Variants in MGAT5B observed in about 807,000 individuals in gnomAD.
MGAT5B encodes alpha-1,6-mannosylglycoprotein 6-beta-N-acetylglucosaminyltransferase B, also known as N-acetylglucosaminyl-transferase Vb.
Under a neutral mutation model 95.1 loss-of-function variants are expected in MGAT5B, and 54 were observed. The observed-to-expected ratio is 0.57, with a 90% CI of 0.46 to 0.71. The LOEUF (loss-of-function observed/expected upper bound fraction) is 0.71. Among genes scored for constraint, MGAT5B ranks in the 30% least tolerant of loss-of-function variants. MGAT5B has a pLI of 0.00. For synonymous variants in MGAT5B, 464 were observed against 451.0 expected, an observed-to-expected ratio of 1.03 and a Z score of -0.36; for missense variants, 935 against 1,088.6, an observed-to-expected ratio of 0.86 and a Z score of 1.99.
At chr17:76,907,094 C>T (rs1171030205) in intron 8 of MGAT5B, among the ~76,000 whole-genome samples, 2 of 151,832 alleles carry the variant, frequency 1.3e-5, no homozygotes, top group Non-Finnish European at 2.9e-5. Context: ...TCTTGTTCCC[C>T]AGGCTGGAGT....
intron 6 of MGAT5B, 132 bp downstream of exon 6, chr17:76,904,554 C>T: frequency 9.3e-7 from 1 of 1,071,754 alleles, no homozygotes; most frequent in South Asian, 1.7e-5. Flanking sequence ...GGTCCGAGCC[C>T]ACCCTACCGG....
rs571506606 is a variant in MGAT5B at position 76,914,917 on chromosome 17, C to T, written c.1025+8730C>T. ...CCTCCCAAAGTGCTGGGATTACAGG[C>T]GTGAGCCACTGCCCCCGGCCACGTT... On this transcript the variant is annotated intron_variant, in intron 8 of 17. Transcript: ENST00000569840. The surrounding 1 kb of genome is among the most constrained non-coding windows in gnomAD (Gnocchi z 5.1). Among the ~76,000 whole-genome samples, 42 of 152,294 alleles carry T rather than the reference C, an allele frequency of 2.8e-4. No homozygotes were observed. Among genetic ancestry groups the T allele is most frequent in the East Asian group, 2.7e-3 (14 of 5,184 alleles).
Position 76,887,515 on chromosome 17 carries a change from C to CT in MGAT5B, c.329+5218dup, listed in dbSNP as rs1320338399. 5.6e-5 allele frequency among the ~76,000 whole-genome samples: 4 copies of CT among 71,458 alleles called. No homozygotes were observed. In the East Asian group the frequency reaches 1.9e-3, roughly 34 times the overall value. The allele number at this position is 71,458 out of a possible 152,430, so 46.9% of individuals were successfully genotyped here. ...CCTCCCTTCCTCTCTCCCTCCCTCC[C>CT]TCCCTCCCTCCCTCCCTTCCTTCCT... On this transcript the variant is annotated intron_variant, in intron 3 of 17. Coordinates refer to ENST00000569840, the MANE Select transcript of MGAT5B (RefSeq NM_001199172.2).
At chr17:76,929,755 C>G (rs1187446403) in intron 10 of MGAT5B, among the ~76,000 whole-genome samples, 8 of 152,190 alleles carry the variant, frequency 5.3e-5, no homozygotes, top group Admixed American at 5.2e-4. Flanking sequence ...CTCCAGGGAG[C>G]TAACTGGGGG....
At position 76,915,971 on chromosome 17, in the gene MGAT5B, C is replaced by T. The variant is rs1456611714; in HGVS notation, c.1026-8995C>T. 6.6e-6 allele frequency among the ~76,000 whole-genome samples: 1 copy of T among 152,226 alleles called. No individual in the cohort carries two copies. The highest frequency in any genetic ancestry group is 1.5e-5 in the Non-Finnish European group (1 of 68,046). On this transcript the variant is annotated intron_variant, in intron 8 of 17. Coordinates refer to ENST00000569840, the MANE Select transcript of MGAT5B (RefSeq NM_001199172.2). This position sits in a 1 kb window ranked among gnomAD's most constrained non-coding sequence, Gnocchi z 8.7. ...AATTCAGACTTGGGTAGGCAGAAGA[C>T]CTACCTAGACTGCGGGTAAGGGGAC... is the stretch of plus-strand genomic sequence containing the variant.
At chr17:76,932,045 C>T (rs146982885) in intron 10 of MGAT5B, among the ~76,000 whole-genome samples, 4 of 150,134 alleles carry the variant, frequency 2.7e-5, no homozygotes, top group Non-Finnish European at 5.9e-5. Context: ...TCCTCCTCCT[C>T]CTCTTTCTCC....
chr17:76,869,214 C>A lies in MGAT5B; in HGVS notation c.68+117C>A. 4 of 896,414 alleles carry A rather than the reference C, an allele frequency of 4.5e-6. No individual in the cohort carries two copies. 55.5% of individuals were successfully genotyped at this position (896,414 alleles called of 1,614,324 possible). A position where few individuals can be genotyped will look rare whatever the true frequency, so the allele number is the denominator to read the frequency against. On this transcript the variant is annotated intron_variant, in intron 1 of 17. Coordinates refer to ENST00000569840, the MANE Select transcript of MGAT5B (RefSeq NM_001199172.2). This position sits in a 1 kb window ranked among gnomAD's most constrained non-coding sequence, Gnocchi z 7.0. ...CAGAGGGGGCGGTTCACACTTCAAC[C>A]CCTGGTGATGACCAGTGGGGCTGGG...
chr17:76,882,231 C>G lies in MGAT5B; in HGVS notation c.262C>G (p.Leu88Val). 6.2e-7 allele frequency: 1 copy of G among 1,613,674 alleles called. No individual in the cohort carries two copies. Among genetic ancestry groups the G allele is most frequent in the Non-Finnish European group, 8.5e-7 (1 of 1,179,934 alleles). Residue 88 changes from leucine (L) to valine (V), a missense_variant, in exon 3 of 18, where the codon CTG becomes GTG. Physicochemically the swap from Leu to Val is conservative, Grantham distance 32 (BLOSUM62 1). Around this residue, in one of 4 missense-constraint regions of MGAT5B, gnomAD observed 243 missense variants for 228.2 expected, o/e 1.06. Transcript: ENST00000569840. ...GCTGATGGTGAAGCGCATGGACGCA[C>G]TGGCCAGGCTGGAGAACAGCAGTGA... ...LELMVKRMDA[L>V]ARLENSSELH...
At chr17:76,943,369 C>A (rs967328241) in intron 15 of MGAT5B, among the ~76,000 whole-genome samples, 1 of 152,040 alleles carries the variant, frequency 6.6e-6, no homozygotes, top group African/African-American at 2.4e-5. Context: ...CTTCTGTGGG[C>A]CCCACCCCTC....
chr17:76,900,962 C>T (rs915810951), intron 3 of MGAT5B, among the ~76,000 whole-genome samples: 6 of 151,622 alleles, frequency 4.0e-5, no homozygotes, highest in South Asian at 2.1e-4. Context: ...TGCGTGTGCA[C>T]GCCTGTGTGC....
intron 3 of MGAT5B, among the ~76,000 whole-genome samples, chr17:76,888,201 G>A (rs143467981): frequency 2.0e-3 from 304 of 152,170 alleles, no homozygotes; most frequent in African/African-American, 7.0e-3. Context: ...TGGGGAGGGG[G>A]CCTCCCCAGC....
chr17:76,946,322 C>T, intron 15 of MGAT5B, 54 bp from the exon 16 acceptor site: 1 of 1,473,448 alleles, frequency 6.8e-7, no homozygotes, highest in Non-Finnish European at 9.3e-7. Flanking sequence ...CATGGCAGGG[C>T]CCCCGACGGC....
In MGAT5B at chr17:76,872,795, C is replaced by T. The variant is rs769164772; in HGVS notation, c.69-56C>T. On this transcript the variant is annotated intron_variant, in intron 1 of 17. Transcript: ENST00000569840. ...TTTGTGCAGCCGGTACGTGGTGGAG[C>T]GTCAGGGCACGATGGCCCTTCCTGC... The T allele has an allele frequency of 1.3e-5, 21 of 1,613,814 alleles. No homozygotes were observed. Among genetic ancestry groups the T allele is most frequent in the Middle Eastern group, 1.6e-4 (1 of 6,084 alleles).
rs1698059779 is a variant in MGAT5B, at chr17:76,949,175, A to G, written c.*337A>G. The G allele has an allele frequency of 3.3e-6, 1 of 303,104 alleles. No individual in the cohort carries two copies. Among genetic ancestry groups the G allele is most frequent in the South Asian group, 5.4e-5 (1 of 18,642 alleles). The allele number at this position is 303,104 out of a possible 1,614,324, so 18.8% of individuals were successfully genotyped here. A position where few individuals can be genotyped will look rare whatever the true frequency, so the allele number is the denominator to read the frequency against. On this transcript the variant is annotated 3_prime_UTR_variant, in exon 18 of 18. Coordinates refer to ENST00000569840, the MANE Select transcript of MGAT5B (RefSeq NM_001199172.2). ...CTTTGTGCAAGGCCGGATCTGGGCC[A>G]GGTGGCGAAAGGGGCCCAGTCGTTC...
intron 8 of MGAT5B, among the ~76,000 whole-genome samples, chr17:76,907,872 A>G (rs2145199170): frequency 6.6e-6 from 1 of 152,354 alleles, no homozygotes; most frequent in East Asian, 1.9e-4. Context: ...TAGGGTTGTC[A>G]GACATTCTGA....
chr17:76,869,008 C>G lies in MGAT5B; in HGVS notation c.-22C>G, dbSNP rs559492556. ...GTGCGTCCGGCCTCGCCCGCGGCTG[C>G]TCGCACCAACAAGTTTGAACAATGA... is the stretch of plus-strand genomic sequence containing the variant. On this transcript the variant is annotated 5_prime_UTR_variant, in exon 1 of 18. Transcript: ENST00000569840. This position sits in a 1 kb window ranked among gnomAD's most constrained non-coding sequence, Gnocchi z 7.0. 1 of 1,612,982 alleles carries G rather than the reference C, an allele frequency of 6.2e-7. No homozygotes were observed. Among genetic ancestry groups the G allele is most frequent in the South Asian group, 1.1e-5 (1 of 91,068 alleles).
rs1968962557 is a variant in MGAT5B at position 76,917,012 on chromosome 17, CT to C, written c.1026-7953del. Among the ~76,000 whole-genome samples, 1 of 152,126 alleles carries C rather than the reference CT, an allele frequency of 6.6e-6. No homozygotes were observed. The highest frequency in any genetic ancestry group is 2.1e-4 in the South Asian group (1 of 4,818). On this transcript the variant is annotated intron_variant, in intron 8 of 17. Coordinates refer to ENST00000569840, the MANE Select transcript of MGAT5B (RefSeq NM_001199172.2). The surrounding 1 kb of genome is among the most constrained non-coding windows in gnomAD (Gnocchi z 6.1). ...AGCACAGGGTGGTACGAATAACCCCCTAGCACTCTTCCCGACTACGCTGTCA... is the reference window on the plus strand; with the variant it reads ...AGCACAGGGTGGTACGAATAACCCCCAGCACTCTTCCCGACTACGCTGTCA...
Position 76,869,134 on chromosome 17 carries a change from G to T in MGAT5B, c.68+37G>T. The T allele has an allele frequency of 1.3e-6, 2 of 1,591,766 alleles. No individual in the cohort carries two copies. Among genetic ancestry groups the T allele is most frequent in the East Asian group, 4.5e-5 (2 of 44,722 alleles). ...TCCTGGTTGGTTTTTTCCCCAGGGG[G>T]GCGCCGGGTGGAGGTGGGCGAGGTC... On this transcript the variant is annotated intron_variant, in intron 1 of 17. Coordinates refer to ENST00000569840, the MANE Select transcript of MGAT5B (RefSeq NM_001199172.2). The surrounding 1 kb of genome is among the most constrained non-coding windows in gnomAD (Gnocchi z 7.0).
rs975235635 is a variant in MGAT5B at position 76,940,408 on chromosome 17, A to C, written c.1591A>C (p.Ile531Leu). The C allele has an allele frequency of 1.2e-6, 2 of 1,602,874 alleles. No homozygotes were observed. Among genetic ancestry groups the C allele is most frequent in the Non-Finnish European group, 1.7e-6 (2 of 1,174,026 alleles). ...QQLLRKAKLF[I>L]GFGFPYEGPA... is the part of the protein sequence containing the mutation. Reference sequence around the variant, plus strand: ...GCGCCCCTTGACTCTGCAGCTCTTCATCGGGTTTGGCTTCCCCTACGAGGG... The same window carrying C: ...GCGCCCCTTGACTCTGCAGCTCTTCCTCGGGTTTGGCTTCCCCTACGAGGG... The change falls in exon 14 of 18, where the codon ATC (isoleucine) becomes CTC (leucine). Residue 531 changes from isoleucine to leucine, a missense_variant. Around this residue, in one of 4 missense-constraint regions of MGAT5B, gnomAD observed 440 missense variants for 523.6 expected, o/e 0.84. Coordinates refer to ENST00000569840, the MANE Select transcript of MGAT5B (RefSeq NM_001199172.2). This position sits in a 1 kb window ranked among gnomAD's most constrained non-coding sequence, Gnocchi z 4.3.
Sources: gnomAD v4.1 joint callset for allele counts (sites outside exome capture counted in the v4.1 genomes callset) on GRCh38, gnomAD v4.1.1 for gene constraint, gnomAD v4.1.1 regional missense constraint, Gnocchi (gnomAD v3.1) non-coding constraint, MANE v1.5 for transcripts, NCBI Gene and HGNC (gene_info 2026-07-23, HGNC 2026-07-21) for gene names.